MYO10: variants seen among roughly 807,000 people sequenced by gnomAD.
MYO10 encodes the protein myosin X.
A neutral mutation model predicts 257.3 loss-of-function variants in MYO10; 133 were observed. The observed-to-expected ratio is 0.52, with a 90% CI of 0.45 to 0.60. MYO10 has a LOEUF of 0.60. Ranked by LOEUF, MYO10 falls within the 20% of genes least tolerant of loss-of-function variation. MYO10 has a pLI of 0.00. For synonymous variants in MYO10, 1,104 were observed against 1,028.6 expected, an observed-to-expected ratio of 1.07 and a Z score of -1.40; for missense variants, 2,399 against 2,635.7, an observed-to-expected ratio of 0.91 and a Z score of 1.97.
chr5:16,817,808 C>T (rs578174922), intron 3 of MYO10, among the ~76,000 whole-genome samples: 78 of 152,286 alleles, frequency 5.1e-4, no homozygotes, highest in African/African-American at 1.8e-3. Context: ...GAAAGTAAAT[C>T]CCCACTAATA....
chr5:16,713,706 T>G (rs925331494), intron 19 of MYO10, among the ~76,000 whole-genome samples: 5 of 152,028 alleles, frequency 3.3e-5, no homozygotes, highest in Admixed American at 3.3e-4. Context: ...CACGAGGGGG[T>G]AGATCTGGAT....
At chr5:16,725,078 CTTTTTTTTTTT>C (rs34100971) in intron 19 of MYO10, among the ~76,000 whole-genome samples, 5 of 74,890 alleles carry the variant, frequency 6.7e-5, no homozygotes, top group African/African-American at 2.0e-4. Flanking sequence ...CCTTCTTCTT[CTTTTTTTTTTT>C]TTTTTTTTTT....
intron 2 of MYO10, among the ~76,000 whole-genome samples, chr5:16,822,671 TTC>T (rs1167182122): frequency 2.1e-5 from 3 of 146,190 alleles, no homozygotes; most frequent in Admixed American, 7.2e-5. Context: ...ATATTTTTTT[TTC>T]TTTTTTATTT....
chr5:16,674,597 T>TCC (rs1736636441), intron 35 of MYO10, among the ~76,000 whole-genome samples: 1 of 149,682 alleles, frequency 6.7e-6, no homozygotes, highest in African/African-American at 2.5e-5. Context: ...AGAGCAGTGG[T>TCC]AATTAATTGA....
At chr5:16,807,936 T>A (rs1007494399) in intron 3 of MYO10, among the ~76,000 whole-genome samples, 1 of 152,166 alleles carries the variant, frequency 6.6e-6, no homozygotes, top group African/African-American at 2.4e-5. Flanking sequence ...TAGGGACCTT[T>A]CATTTACTCA....
At chr5:16,848,695 G>T (rs1391053517) in intron 2 of MYO10, among the ~76,000 whole-genome samples, 1 of 151,950 alleles carries the variant, frequency 6.6e-6, no homozygotes, top group Non-Finnish European at 1.5e-5. Flanking sequence ...CGGCAGAAGG[G>T]CTAGTCTCTG....
intron 27 of MYO10, among the ~76,000 whole-genome samples, chr5:16,693,306 G>A (rs912882485): frequency 2.0e-5 from 3 of 152,130 alleles, no homozygotes; most frequent in Admixed American, 6.5e-5. Flanking sequence ...GGAACATCAC[G>A]GTATGTGAGG....
chr5:16,888,283 C>G (rs1033122892), intron 1 of MYO10, among the ~76,000 whole-genome samples: 1 of 151,926 alleles, frequency 6.6e-6, no homozygotes, highest in African/African-American at 2.4e-5. Flanking sequence ...AATCTCAACA[C>G]TTTGGGAGTC....
chr5:16,753,072 A>C (rs1389159472), intron 19 of MYO10, among the ~76,000 whole-genome samples: 1 of 152,206 alleles, frequency 6.6e-6, no homozygotes, highest in African/African-American at 2.4e-5. Flanking sequence ...TAAGGTAACA[A>C]ACTGAACAGG....
At chr5:16,843,378 C>A in intron 2 of MYO10, among the ~76,000 whole-genome samples, 1 of 152,148 alleles carries the variant, frequency 6.6e-6, no homozygotes, top group East Asian at 1.9e-4. Flanking sequence ...CCATTCTTAC[C>A]TGTATAACCT....
At chr5:16,707,541 C>T (rs954541956) in intron 21 of MYO10, among the ~76,000 whole-genome samples, 9 of 152,190 alleles carry the variant, frequency 5.9e-5, no homozygotes, top group Non-Finnish European at 1.2e-4. Context: ...AGTACACTGT[C>T]TTTATAAAAA....
At chr5:16,862,610 T>C (rs544927601) in intron 2 of MYO10, among the ~76,000 whole-genome samples, 1 of 152,342 alleles carries the variant, frequency 6.6e-6, no homozygotes, top group African/African-American at 2.4e-5. Flanking sequence ...TATTTAAGCA[T>C]TCAAATAAAA....
chr5:16,672,068 G>C (rs1016308348), intron 37 of MYO10, among the ~76,000 whole-genome samples: 11 of 152,190 alleles, frequency 7.2e-5, no homozygotes, highest in Non-Finnish European at 1.5e-4. Context: ...GCCCAGGTGG[G>C]CGGATCACCT....
At position 16,666,558 on chromosome 5, in the gene MYO10, T is replaced by C. The variant is rs1455106482; in HGVS notation, c.*134A>G. The C allele has an allele frequency of 1.5e-6, 1 of 676,438 alleles. No individual in the cohort carries two copies. Among genetic ancestry groups the C allele is most frequent in the Non-Finnish European group, 2.4e-6 (1 of 408,710 alleles). 41.9% of individuals were successfully genotyped at this position (676,438 alleles called of 1,614,324 possible). A position where few individuals can be genotyped will look rare whatever the true frequency, so the allele number is the denominator to read the frequency against. ...AGGCAAAAGGATCCTCGGAGACACCTCCCTCAGACCAGAAGCTTCCAGAAA... is the reference window on the plus strand; with the variant it reads ...AGGCAAAAGGATCCTCGGAGACACCCCCCTCAGACCAGAAGCTTCCAGAAA... On this transcript the variant is annotated 3_prime_UTR_variant, in exon 41 of 41. Coordinates refer to ENST00000513610, the MANE Select transcript of MYO10 (RefSeq NM_012334.3).
intron 18 of MYO10, 124 bp downstream of exon 18, chr5:16,757,994 A>G: frequency 1.3e-6 from 1 of 754,460 alleles, no homozygotes; most frequent in Non-Finnish European, 2.2e-6. Context: ...GTTTAAAAGC[A>G]TGATATAAAA....
chr5:16,697,628 G>T (rs1348217164), intron 26 of MYO10, among the ~76,000 whole-genome samples: 1 of 151,992 alleles, frequency 6.6e-6, no homozygotes, highest in Non-Finnish European at 1.5e-5. Flanking sequence ...AACCCCGGGG[G>T]TGGAGGCTGC....
Position 16,754,901 on chromosome 5 carries a change from AG to A in MYO10, c.1855del (p.Leu619CysfsTer4). On this transcript the variant is annotated frameshift_variant, in exon 19 of 41. Coordinates refer to ENST00000513610, the MANE Select transcript of MYO10 (RefSeq NM_012334.3). LOFTEE classifies it high-confidence loss of function. ...GCTTAGCGTTGCCATTAAGGAATGCAGTGAGTCCTATTAGAAAAAGTATATG... is the reference window on the plus strand; with the variant it reads ...GCTTAGCGTTGCCATTAAGGAATGCATGAGTCCTATTAGAAAAAGTATATG... ...PTVSSQFKDS[L>X]HSLMATLSSS... 6.3e-7 allele frequency: 1 copy of A among 1,589,128 alleles called. No homozygotes were observed. The highest frequency in any genetic ancestry group is 8.6e-7 in the Non-Finnish European group (1 of 1,163,952).
chr5:16,882,341 A>G (rs1378984314), intron 1 of MYO10, among the ~76,000 whole-genome samples: 1 of 152,218 alleles, frequency 6.6e-6, no homozygotes, highest in African/African-American at 2.4e-5. Flanking sequence ...TCTGCTTTGG[A>G]AAATGGTTTG....
In MYO10 at chr5:16,689,941, A is replaced by G. The variant is rs763610328; in HGVS notation, c.3801-22T>C. On this transcript the variant is annotated intron_variant, in intron 27 of 40. Coordinates refer to ENST00000513610, the MANE Select transcript of MYO10 (RefSeq NM_012334.3). ...CTCTCTGCAAAGAAGCAAAAGCAAC[A>G]AACGCACATCAGGAACACCAAATTC... is the stretch of plus-strand genomic sequence containing the variant. The G allele has an allele frequency of 3.9e-6, 6 of 1,545,192 alleles. No individual in the cohort carries two copies. The Admixed American group carries it at 8.3e-5, about 22-fold the overall frequency.
Sources: gnomAD v4.1 joint callset for allele counts (sites outside exome capture counted in the v4.1 genomes callset) on GRCh38, gnomAD v4.1.1 for gene constraint, MANE v1.5 for transcripts, NCBI Gene and HGNC (gene_info 2026-07-23, HGNC 2026-07-21) for gene names.